The following GRAMD2A variants were observed in gnomAD, a reference collection of about 807,000 sequenced individuals.
GRAMD2A encodes GRAM domain containing 2A, also known as GRAM domain-containing protein 2A.
Under a neutral mutation model 51.1 loss-of-function variants are expected in GRAMD2A, and 37 were observed. The ratio of observed to expected loss-of-function variants is 0.72; its 90% CI spans 0.56 to 0.95. The LOEUF (loss-of-function observed/expected upper bound fraction) is 0.95. Ranked by LOEUF, GRAMD2A falls within the 40% of genes least tolerant of loss-of-function variation. The pLI is 0.00. For missense variants in GRAMD2A, 414 were observed against 426.9 expected, an observed-to-expected ratio of 0.97 and a Z score of 0.27; for synonymous variants, 136 against 157.1, an observed-to-expected ratio of 0.87 and a Z score of 1.01.
intron 1 of GRAMD2A, among the ~76,000 whole-genome samples, chr15:72,177,114 G>A (rs966104089): frequency 6.0e-5 from 9 of 151,068 alleles, no homozygotes; most frequent in African/African-American, 1.5e-4. Context: ...CTCCCACCTC[G>A]GCTTTCTAAA....
At chr15:72,187,596 C>T (rs2081742574) in intron 1 of GRAMD2A, among the ~76,000 whole-genome samples, 1 of 152,128 alleles carries the variant, frequency 6.6e-6, no homozygotes, top group South Asian at 2.1e-4. Context: ...TCACTACAAC[C>T]TCTGCCTGCT....
intron 1 of GRAMD2A, among the ~76,000 whole-genome samples, chr15:72,196,553 C>T (rs979131162): frequency 6.6e-6 from 1 of 151,736 alleles, no homozygotes; most frequent in Admixed American, 6.6e-5. Flanking sequence ...GGCATACTGA[C>T]TCCTCACTGA....
chr15:72,193,808 G>A (rs931591883), intron 1 of GRAMD2A, among the ~76,000 whole-genome samples: 1 of 152,226 alleles, frequency 6.6e-6, no homozygotes, highest in Non-Finnish European at 1.5e-5. Flanking sequence ...TTACAGGTGT[G>A]AGCCAACGCG....
At chr15:72,163,173 T>C (rs1449268437) in intron 10 of GRAMD2A, 93 bp downstream of exon 10, 3 of 846,422 alleles carry the variant, frequency 3.5e-6, no homozygotes, top group South Asian at 1.6e-5. Context: ...TCCCCCTGGT[T>C]CTGAATAGTG....
chr15:72,165,505 C>T (rs957333892), intron 7 of GRAMD2A, 95 bp from the exon 8 acceptor site: 8 of 1,212,002 alleles, frequency 6.6e-6, no homozygotes, highest in African/African-American at 1.5e-5. Context: ...AGCTTTACCT[C>T]CAAATAAGCC....
chr15:72,172,852 G>T (rs2081623893), intron 1 of GRAMD2A, among the ~76,000 whole-genome samples: 1 of 152,142 alleles, frequency 6.6e-6, no homozygotes, highest in African/African-American at 2.4e-5. Context: ...TACTGCATGG[G>T]AGATTCCATC....
chr15:72,168,643 A>T, intron 3 of GRAMD2A, 77 bp from the exon 4 acceptor site: 1 of 1,230,960 alleles, frequency 8.1e-7, no homozygotes, highest in Non-Finnish European at 1.2e-6. Flanking sequence ...GCCAACAGGA[A>T]ATGCCACAGC....
At chr15:72,195,384 A>G (rs1364936884) in intron 1 of GRAMD2A, among the ~76,000 whole-genome samples, 1 of 152,224 alleles carries the variant, frequency 6.6e-6, no homozygotes, top group Non-Finnish European at 1.5e-5. Context: ...TCCAGCTGAT[A>G]AACATGGTCC....
rs2081576055 is a variant in GRAMD2A, at chr15:72,168,671, G to A, written c.193-105C>T. 4 of 981,746 alleles carry A rather than the reference G, an allele frequency of 4.1e-6. No individual in the cohort carries two copies. In the Admixed American group the frequency reaches 7.2e-5, roughly 18 times the overall value. 60.8% of individuals were successfully genotyped at this position (981,746 alleles called of 1,614,324 possible). A position where few individuals can be genotyped will look rare whatever the true frequency, so the allele number is the denominator to read the frequency against. ...GCCACAGCCCCCCGGCCCATGCTGGGGACTTAGCATGAGGCAGCTAGTAAG... is the reference window on the plus strand; with the variant it reads ...GCCACAGCCCCCCGGCCCATGCTGGAGACTTAGCATGAGGCAGCTAGTAAG... On this transcript the variant is annotated intron_variant, in intron 3 of 11. Transcript: ENST00000309731.
chr15:72,162,459 C>A, intron 10 of GRAMD2A, 82 bp from the exon 11 acceptor site: 2 of 950,840 alleles, frequency 2.1e-6, no homozygotes, highest in East Asian at 2.5e-5. Context: ...TAGTGGGGAC[C>A]AAGCTACCCC....
chr15:72,197,646 G>A (rs2081820524), intron 1 of GRAMD2A, 85 bp downstream of exon 1: 1 of 1,101,758 alleles, frequency 9.1e-7, no homozygotes, highest in South Asian at 3.5e-5. Context: ...CGCGGCCCCA[G>A]GAGCCGTCCT....
At chr15:72,196,803 G>A (rs1391532717) in intron 1 of GRAMD2A, among the ~76,000 whole-genome samples, 4 of 152,276 alleles carry the variant, frequency 2.6e-5, no homozygotes, top group Non-Finnish European at 1.5e-5. Flanking sequence ...GCGGGGTGGA[G>A]CCCCACCAGT....
chr15:72,190,200 C>A (rs1379278960), intron 1 of GRAMD2A, among the ~76,000 whole-genome samples: 2 of 151,970 alleles, frequency 1.3e-5, no homozygotes, highest in Non-Finnish European at 2.9e-5. Context: ...CATGGTGAAA[C>A]CCCGTGTCTA....
Position 72,186,840 on chromosome 15 carries a change from G to A in GRAMD2A, c.41+10891C>T, listed in dbSNP as rs28654851. Among the ~76,000 whole-genome samples the A allele has an allele frequency of 5.8e-3, 884 of 152,174 alleles. 12 individuals carry two copies. Among genetic ancestry groups the A allele is most frequent in the African/African-American group, 0.02 (836 of 41,512 alleles). ...CTAATATGGAAAAAAAGTCCAACAT[G>A]TATTGTAACTGATAAGTAGGTACAG... is the stretch of plus-strand genomic sequence containing the variant. On this transcript the variant is annotated intron_variant, in intron 1 of 11. Transcript: ENST00000309731.
intron 5 of GRAMD2A, 26 bp downstream of exon 5, chr15:72,167,710 T>C (rs1302002028): frequency 6.5e-7 from 1 of 1,545,294 alleles, no homozygotes; most frequent in Non-Finnish European, 8.9e-7. Flanking sequence ...CACAGGGTCA[T>C]GGCAGCCCTC....
intron 1 of GRAMD2A, among the ~76,000 whole-genome samples, chr15:72,178,859 C>T (rs1425840645): frequency 1.3e-5 from 2 of 151,974 alleles, no homozygotes; most frequent in Non-Finnish European, 2.9e-5. Flanking sequence ...CAGTTGTGAG[C>T]CACCCGGCCC....
At chr15:72,197,695 AC>A (rs1422763704) in intron 1 of GRAMD2A, 35 bp downstream of exon 1, 4 of 1,276,726 alleles carry the variant, frequency 3.1e-6, no homozygotes, top group South Asian at 2.3e-5. Context: ...GGCCTCCGGA[AC>A]CCCCGAGACC....
intron 8 of GRAMD2A, among the ~76,000 whole-genome samples, chr15:72,164,768 A>C (rs1374690537): frequency 6.6e-6 from 1 of 152,114 alleles, no homozygotes; most frequent in Non-Finnish European, 1.5e-5. Context: ...AGGATGGGCC[A>C]CTGGTCCTGC....
intron 2 of GRAMD2A, chr15:72,169,239 G>A: frequency 1.8e-6 from 1 of 568,134 alleles, no homozygotes; most frequent in Non-Finnish European, 3.2e-6. Context: ...ACCTTCCCCA[G>A]TGCGGGTGAG....
Sources: allele counts gnomAD v4.1 joint callset (sites outside exome capture counted in the v4.1 genomes callset), GRCh38; gene constraint gnomAD v4.1.1; transcripts MANE v1.5; gene names NCBI Gene and HGNC (gene_info 2026-07-23, HGNC 2026-07-21).